Variants in RBFOX1 observed in about 807,000 individuals in gnomAD.
RBFOX1 encodes the protein RNA binding protein fox-1 homolog 1.
RBFOX1 carries 8 observed loss-of-function variants against 57.7 expected under a neutral mutation model. That is an observed-to-expected ratio of 0.14 (90% CI 0.08 to 0.25). The LOEUF is 0.25. RBFOX1 is among the 10% of genes least tolerant of loss of function. The probability of loss-of-function intolerance (pLI) is 1.00; values close to 1 mark genes in which losing one functional copy is unlikely to be tolerated. For synonymous variants in RBFOX1, 326 were observed against 222.4 expected (o/e 1.47, Z -4.15); for missense variants, 611 against 548.5 (o/e 1.11, Z -1.14).
chr16:5,569,750 C>T (rs2046214632), intron 2 of RBFOX1, among the ~76,000 whole-genome samples: 1 of 151,926 alleles, frequency 6.6e-6, no homozygotes, highest in South Asian at 2.1e-4. Context: ...CCTCATGACC[C>T]CTCCATCTGA....
At chr16:6,191,052 C>T (rs979880144) in intron 1 of RBFOX1, among the ~76,000 whole-genome samples, 4 of 151,702 alleles carry the variant, frequency 2.6e-5, no homozygotes, top group African/African-American at 9.7e-5. Flanking sequence ...TGTGGTTCCT[C>T]TTTGCTTTCT....
intron 3 of RBFOX1, among the ~76,000 whole-genome samples, chr16:6,981,391 G>A (rs943299384): frequency 2.0e-5 from 3 of 151,990 alleles, no homozygotes; most frequent in Non-Finnish European, 2.9e-5. Context: ...TAATGGCCTC[G>A]AGGTCCATCC....
chr16:6,467,654 C>T (rs1460390293), intron 2 of RBFOX1, among the ~76,000 whole-genome samples: 1 of 152,118 alleles, frequency 6.6e-6, no homozygotes, highest in Non-Finnish European at 1.5e-5. Flanking sequence ...AGCTAATGTG[C>T]ATGCAGTTTT....
chr16:7,339,694 C>T (rs1177295030), intron 4 of RBFOX1, among the ~76,000 whole-genome samples: 1 of 152,180 alleles, frequency 6.6e-6, no homozygotes, highest in African/African-American at 2.4e-5. Context: ...CCCACTTCAG[C>T]CTCCCAAAAT....
intron 2 of RBFOX1, among the ~76,000 whole-genome samples, chr16:6,489,753 C>T (rs752802837): frequency 6.6e-6 from 1 of 152,126 alleles, no homozygotes. Flanking sequence ...TTAAATACTC[C>T]TGCAGATGCA....
intron 3 of RBFOX1, among the ~76,000 whole-genome samples, chr16:6,732,168 A>G (rs922243436): frequency 2.0e-5 from 3 of 152,144 alleles, no homozygotes; most frequent in East Asian, 1.9e-4. Context: ...TGATCCCTCC[A>G]TCTTTCCAAA....
intron 3 of RBFOX1, among the ~76,000 whole-genome samples, chr16:6,883,836 C>T (rs1006403652): frequency 6.6e-6 from 1 of 151,546 alleles, no homozygotes; most frequent in Non-Finnish European, 1.5e-5. Context: ...TTTTTTCCCC[C>T]TAGGAATTAA....
intron 3 of RBFOX1, among the ~76,000 whole-genome samples, chr16:6,767,128 A>G (rs1567162109): frequency 1.3e-5 from 2 of 151,868 alleles, no homozygotes; most frequent in African/African-American, 4.8e-5. Context: ...CCTCTCTTGC[A>G]TTTTTCCTCC....
chr16:6,263,366 T>C (rs1045330294), intron 1 of RBFOX1, among the ~76,000 whole-genome samples: 5 of 152,114 alleles, frequency 3.3e-5, no homozygotes, highest in Admixed American at 3.3e-4. Flanking sequence ...GAGAATGATA[T>C]CTATGTTTTC....
At chr16:6,378,572 C>T (rs954826990) in intron 2 of RBFOX1, among the ~76,000 whole-genome samples, 8 of 152,096 alleles carry the variant, frequency 5.3e-5, no homozygotes, top group Admixed American at 3.3e-4. Context: ...ACATGCCCAC[C>T]CCCATTTCTA....
At chr16:7,147,460 C>A (rs78650009) in intron 4 of RBFOX1, among the ~76,000 whole-genome samples, 20 of 151,974 alleles carry the variant, frequency 1.3e-4, no homozygotes, top group African/African-American at 3.9e-4. Flanking sequence ...TTTTCAACCC[C>A]GGCCTTCCCA....
At chr16:6,483,131 C>T in intron 2 of RBFOX1, 1 of 1,045,744 alleles carries the variant, frequency 9.6e-7, no homozygotes, top group Non-Finnish European at 1.1e-6. Context: ...ACTGCCTTCC[C>T]CCAGCTGCAA....
chr16:7,544,302 T>G (rs2083807272), intron 5 of RBFOX1, among the ~76,000 whole-genome samples: 1 of 152,244 alleles, frequency 6.6e-6, no homozygotes, highest in African/African-American at 2.4e-5. Flanking sequence ...TTACTGGCTA[T>G]GTCACCTGGT....
At chr16:6,723,201 G>A (rs994680798) in intron 3 of RBFOX1, among the ~76,000 whole-genome samples, 3 of 152,192 alleles carry the variant, frequency 2.0e-5, no homozygotes, top group Admixed American at 1.3e-4. Context: ...AAAAGTGTGG[G>A]CATTGGGGTT....
intron 1 of RBFOX1, among the ~76,000 whole-genome samples, chr16:5,432,944 C>T (rs1240911187): frequency 1.3e-5 from 2 of 152,170 alleles, no homozygotes; most frequent in Admixed American, 1.3e-4. Flanking sequence ...CACCACCACT[C>T]CTGGCTGATT....
At chr16:6,828,344 TGAA>T (rs1567441732) in intron 3 of RBFOX1, among the ~76,000 whole-genome samples, 1 of 151,910 alleles carries the variant, frequency 6.6e-6, no homozygotes, top group African/African-American at 2.4e-5. Context: ...GCCAACATGA[TGAA>T]ACCCCATCTC....
intron 2 of RBFOX1, among the ~76,000 whole-genome samples, chr16:6,567,073 G>C (rs1179348620): frequency 6.6e-6 from 1 of 152,160 alleles, no homozygotes; most frequent in Non-Finnish European, 1.5e-5. Flanking sequence ...AACTGAGTTA[G>C]TTTCCCATGA....
intron 2 of RBFOX1, among the ~76,000 whole-genome samples, chr16:5,558,941 G>A (rs1274066544): frequency 1.3e-5 from 2 of 152,110 alleles, no homozygotes; most frequent in East Asian, 3.9e-4. Flanking sequence ...CACAAGCCTT[G>A]AGCTAGATGT....
intron 2 of RBFOX1, among the ~76,000 whole-genome samples, chr16:6,371,323 T>G (rs535070441): frequency 6.6e-6 from 1 of 152,232 alleles, no homozygotes; most frequent in Non-Finnish European, 1.5e-5. Context: ...CTAACCCCAT[T>G]GCACTTATAT....
Sources: allele counts gnomAD v4.1 joint callset (sites outside exome capture counted in the v4.1 genomes callset), GRCh38; gene constraint gnomAD v4.1.1; transcripts MANE v1.5; gene names NCBI Gene and HGNC (gene_info 2026-07-23, HGNC 2026-07-21).